The following ZNF343 variants were observed in gnomAD, a reference collection of about 807,000 sequenced individuals.
The protein encoded by ZNF343 is zinc finger protein 343.
In ZNF343, 11 loss-of-function variants were observed where a neutral mutation model predicts 13.8. The observed-to-expected ratio is 0.80, with a 90% CI of 0.50 to 1.32. ZNF343 has a LOEUF of 1.32. Among genes scored for constraint, ZNF343 ranks in the 40% most tolerant of loss-of-function variants. The pLI is 0.00. For synonymous variants in ZNF343, 248 were observed against 260.0 expected (o/e 0.95, Z 0.44); for missense variants, 658 against 714.2 (o/e 0.92, Z 0.90).
rs1235411099 is a variant in ZNF343, at chr20:2,518,621, TACC to T, written c.-347+5831_-347+5833del. Among the ~76,000 whole-genome samples the T allele has an allele frequency of 6.6e-6, 1 of 152,044 alleles. No homozygotes were observed. Among genetic ancestry groups the T allele is most frequent in the African/African-American group, 2.4e-5 (1 of 41,378 alleles). ...ACCTACAACCCTCCCTTACAGACAC[TACC>T]TTCCAACATACCACATGCTCTCAGC... is the stretch of plus-strand genomic sequence containing the variant. On this transcript the variant is annotated intron_variant, in intron 1 of 6. Coordinates refer to the ZNF343 transcript ENST00000358413. The surrounding 1 kb of genome is among the most constrained non-coding windows in gnomAD (Gnocchi z 4.6).
rs148685627 is a variant in ZNF343, at chr20:2,484,269, T to C, written c.692A>G (p.Lys231Arg). The C allele has an allele frequency of 2.5e-6, 4 of 1,614,246 alleles. No homozygotes were observed. The African/African-American group carries it at 5.3e-5, about 22-fold the overall frequency. Residue 231 changes from lysine to arginine, a missense_variant, in exon 6 of 6, where the codon AAG (lysine) becomes AGG (arginine). Transcript: ENST00000278772. Reference protein sequence around the residue: ...PNPVQLDKGLKELETLRFGAI... With the variant: ...PNPVQLDKGLRELETLRFGAI... The stretch of plus-strand genomic sequence containing the variant: ...TCCAAATCTCAAGGTTTCTAATTCC[T>C]TCAAGCCTTTGTCTAGCTGCACAGG...
rs1442244486 is a variant in ZNF343, at chr20:2,484,175, G to C, written c.786C>G (p.Thr262=). The change falls in exon 6 of 6, where the codon ACC becomes ACG. Residue 262 remains threonine, a synonymous_variant. Transcript: ENST00000278772. The stretch of plus-strand genomic sequence containing the variant: ...AAATGTAGGGCTTCTTCCCTAAGAG[G>C]GTCCTCGGGTTTGTAATAAAGTTTG... ...LESNFITNPR[T]LLGKKPYICS... 6.2e-7 allele frequency: 1 copy of C among 1,614,214 alleles called. No homozygotes were observed. The highest frequency in any genetic ancestry group is 1.1e-5 in the South Asian group (1 of 91,082).
intron 1 of ZNF343, among the ~76,000 whole-genome samples, chr20:2,522,202 A>G (rs769941476): frequency 6.6e-6 from 1 of 152,236 alleles, no homozygotes; most frequent in Non-Finnish European, 1.5e-5. Context: ...AATGCTTAGT[A>G]CTGACTACAT....
At chr20:2,512,301 C>T (rs1332082937), upstream of ZNF343, among the ~76,000 whole-genome samples, 1 of 152,090 alleles carries the variant, frequency 6.6e-6, no homozygotes. Flanking sequence ...GGCCTTTTTG[C>T]AGAAATGGAA....
At chr20:2,513,915 G>A (rs2085748790), upstream of ZNF343, among the ~76,000 whole-genome samples, 1 of 152,256 alleles carries the variant, frequency 6.6e-6, no homozygotes, top group Non-Finnish European at 1.5e-5. Context: ...GAATTTATAT[G>A]TCCGGAATAG....
chr20:2,497,664 A>G (rs1370939577), intron 2 of ZNF343, among the ~76,000 whole-genome samples: 1 of 152,250 alleles, frequency 6.6e-6, no homozygotes, highest in South Asian at 2.1e-4. Flanking sequence ...GGCAACAAGT[A>G]TAGACCATTC....
chr20:2,501,879 A>G (rs1327380294), intron 1 of ZNF343, among the ~76,000 whole-genome samples: 1 of 152,216 alleles, frequency 6.6e-6, no homozygotes, highest in Non-Finnish European at 1.5e-5. Context: ...GAGCAGAAAA[A>G]CTGGAAACTC....
Position 2,483,150 on chromosome 20 carries a change from G to A in ZNF343, c.*11C>T. 6.3e-7 allele frequency: 1 copy of A among 1,593,762 alleles called. No individual in the cohort carries two copies. Among genetic ancestry groups the A allele is most frequent in the Non-Finnish European group, 8.5e-7 (1 of 1,169,890 alleles). On this transcript the variant is annotated 3_prime_UTR_variant, in exon 6 of 6. Coordinates refer to ENST00000278772, the MANE Select transcript of ZNF343 (RefSeq NM_024325.6). Reference sequence around the variant, plus strand: ...CTTGTTCATGACCCCTGCATACACAGGTTTCTCCCGTCAGTGTGTCCTCTG... The same window carrying A: ...CTTGTTCATGACCCCTGCATACACAAGTTTCTCCCGTCAGTGTGTCCTCTG...
intron 2 of ZNF343, among the ~76,000 whole-genome samples, chr20:2,500,122 TG>T (rs1342385534): frequency 6.8e-6 from 1 of 146,758 alleles, no homozygotes; most frequent in Non-Finnish European, 1.5e-5. Flanking sequence ...AATGAGGAGG[TG>T]GGGGGCTCAA....
At chr20:2,488,679 C>T (rs1270917259) in intron 5 of ZNF343, among the ~76,000 whole-genome samples, 1 of 152,084 alleles carries the variant, frequency 6.6e-6, no homozygotes, top group Non-Finnish European at 1.5e-5. Flanking sequence ...AAGAATTTCA[C>T]TGTTTTATTG....
intron 5 of ZNF343, among the ~76,000 whole-genome samples, chr20:2,490,318 C>A (rs757577328): frequency 3.3e-5 from 5 of 152,038 alleles, no homozygotes; most frequent in Non-Finnish European, 5.9e-5. Flanking sequence ...CGGACCCCTG[C>A]AGCCCAGAGA....
At chr20:2,498,217 G>A (rs983037947) in intron 2 of ZNF343, among the ~76,000 whole-genome samples, 2 of 152,186 alleles carry the variant, frequency 1.3e-5, no homozygotes, top group African/African-American at 2.4e-5. Flanking sequence ...TTAGCCGGGC[G>A]TGGTGGCGCA....
At chr20:2,497,971 G>T (rs943218690) in intron 2 of ZNF343, among the ~76,000 whole-genome samples, 9 of 152,094 alleles carry the variant, frequency 5.9e-5, no homozygotes, top group African/African-American at 2.2e-4. Context: ...CCTGCTAGTT[G>T]TTAGGCACTG....
At chr20:2,502,127 T>C (rs2085577487) in intron 1 of ZNF343, among the ~76,000 whole-genome samples, 1 of 152,106 alleles carries the variant, frequency 6.6e-6, no homozygotes, top group African/African-American at 2.4e-5. Context: ...AAAGACCTGA[T>C]GGAGCTGAAA....
At chr20:2,510,545 G>A (rs1266499482), upstream of ZNF343, among the ~76,000 whole-genome samples, 1 of 152,218 alleles carries the variant, frequency 6.6e-6, no homozygotes, top group African/African-American at 2.4e-5. Context: ...AGGAGATAGA[G>A]AACATGGCCC....
At chr20:2,499,239 G>A (rs1367862040) in intron 2 of ZNF343, among the ~76,000 whole-genome samples, 2 of 146,614 alleles carry the variant, frequency 1.4e-5, no homozygotes, top group African/African-American at 2.6e-5. Context: ...GCCGAGGTGG[G>A]CGGATCACGA....
chr20:2,518,555 A>G lies in ZNF343; in HGVS notation c.-347+5900T>C, dbSNP rs1166609374. ...CACAAGTGCCAGACTCTAACTTCTG[A>G]TTTCTAAATAGCTACCCCTCCGGTT... is the stretch of plus-strand genomic sequence containing the variant. On this transcript the variant is annotated intron_variant, in intron 1 of 6. Coordinates refer to the ZNF343 transcript ENST00000358413. This position sits in a 1 kb window ranked among gnomAD's most constrained non-coding sequence, Gnocchi z 4.6. 6.6e-6 allele frequency among the ~76,000 whole-genome samples: 1 copy of G among 152,118 alleles called. No individual in the cohort carries two copies. Among genetic ancestry groups the G allele is most frequent in the Non-Finnish European group, 1.5e-5 (1 of 68,028 alleles).
chr20:2,498,332 C>A (rs375993331), intron 2 of ZNF343, among the ~76,000 whole-genome samples: 1 of 152,032 alleles, frequency 6.6e-6, no homozygotes, highest in Non-Finnish European at 1.5e-5. Flanking sequence ...CTCCAGCCTG[C>A]GCAAAAAGAG....
At chr20:2,489,747 A>T (rs895712352) in intron 5 of ZNF343, among the ~76,000 whole-genome samples, 2 of 152,062 alleles carry the variant, frequency 1.3e-5, no homozygotes, top group African/African-American at 2.4e-5. Context: ...TAAGCTTATT[A>T]AACTGTCTCC....
Sources: gnomAD v4.1 joint callset for allele counts (sites outside exome capture counted in the v4.1 genomes callset) on GRCh38, gnomAD v4.1.1 for gene constraint, Gnocchi (gnomAD v3.1) non-coding constraint, MANE v1.5 for transcripts, NCBI Gene and HGNC (gene_info 2026-07-23, HGNC 2026-07-21) for gene names.